Variants in PRSS12 observed in about 807,000 individuals in gnomAD.
The protein encoded by PRSS12 is serine protease 12.
Under a neutral mutation model 104.4 loss-of-function variants are expected in PRSS12, and 85 were observed. That is an observed-to-expected ratio of 0.81 (90% CI 0.68 to 0.98). The LOEUF is 0.98. Ranked by LOEUF, PRSS12 falls within the 50% of genes least tolerant of loss-of-function variation. The pLI, the probability that PRSS12 is intolerant of heterozygous loss-of-function variation, is 0.00. For missense variants in PRSS12, 1,141 were observed against 1,139.2 expected (o/e 1.00, Z -0.02); for synonymous variants, 454 against 425.2 (o/e 1.07, Z -0.83).
chr4:118,352,065 G>A (rs1156430217), intron 1 of PRSS12, among the ~76,000 whole-genome samples, 154 bp downstream of exon 1: 1 of 152,068 alleles, frequency 6.6e-6, no homozygotes, highest in Non-Finnish European at 1.5e-5. Flanking sequence ...TACCTTACTG[G>A]TAACCCAGCT....
intron 8 of PRSS12, among the ~76,000 whole-genome samples, chr4:118,304,665 A>C (rs1410907091): frequency 6.6e-6 from 1 of 152,150 alleles, no homozygotes; most frequent in African/African-American, 2.4e-5. Context: ...AGTCTATCTC[A>C]ATGAATTTAA....
chr4:118,298,230 G>T (rs1271366770), intron 9 of PRSS12, among the ~76,000 whole-genome samples: 1 of 151,638 alleles, frequency 6.6e-6, no homozygotes, highest in Non-Finnish European at 1.5e-5. Flanking sequence ...TCATACGAAA[G>T]GATTACTTAT....
chr4:118,309,231 T>C (rs1358999602), intron 7 of PRSS12, among the ~76,000 whole-genome samples: 1 of 152,194 alleles, frequency 6.6e-6, no homozygotes, highest in Non-Finnish European at 1.5e-5. Context: ...TTAAGATTTA[T>C]CTAAGTTAAT....
At chr4:118,341,426 T>C (rs1381512592) in intron 1 of PRSS12, among the ~76,000 whole-genome samples, 1 of 152,220 alleles carries the variant, frequency 6.6e-6, no homozygotes, top group Non-Finnish European at 1.5e-5. Flanking sequence ...CTCACGCCTG[T>C]AATCCCAGCA....
At chr4:118,340,691 A>G (rs568937506) in intron 1 of PRSS12, among the ~76,000 whole-genome samples, 1 of 152,356 alleles carries the variant, frequency 6.6e-6, no homozygotes, top group African/African-American at 2.4e-5. Context: ...CACTGACAAG[A>G]GGCATACTAT....
Position 118,282,810 on chromosome 4 carries a change from CTT to C in PRSS12, c.2320+19_2320+20del, listed in dbSNP as rs756005643. ...ATACCAGACACAAAAAGGTGCCCTG[CTT>C]TTTTTGATTATGCCTTACCTGTGTC... On this transcript the variant is annotated intron_variant, in intron 12 of 12. Transcript: ENST00000296498. 13 of 1,613,664 alleles carry C rather than the reference CTT, an allele frequency of 8.1e-6. No homozygotes were observed. The African/African-American group carries it at 1.3e-4, about 17-fold the overall frequency.
At position 118,352,879 on chromosome 4, in the gene PRSS12, C is replaced by G. The variant is rs1724563338; in HGVS notation, c.-159G>C. 4 of 1,421,942 alleles carry G rather than the reference C, an allele frequency of 2.8e-6. No homozygotes were observed. The highest frequency in any genetic ancestry group is 1.5e-5 in the African/African-American group (1 of 67,406). The allele number at this position is 1,421,942 out of a possible 1,614,324, so 88.1% of individuals were successfully genotyped here. A position where few individuals can be genotyped will look rare whatever the true frequency, so the allele number is the denominator to read the frequency against. On this transcript the variant is annotated 5_prime_UTR_variant, in exon 1 of 13. Transcript: ENST00000296498. ...CCCTCGCCTCCCCAACCTTGCCTCC[C>G]GCCGCTGGTGCCCTGCCGCGCCTCG...
intron 1 of PRSS12, among the ~76,000 whole-genome samples, chr4:118,350,368 G>A (rs555218061): frequency 6.6e-5 from 10 of 152,290 alleles, no homozygotes; most frequent in Admixed American, 2.0e-4. Context: ...GAGCCGTAAC[G>A]TTCAGAATAT....
At chr4:118,339,306 A>T (rs1230009353) in intron 1 of PRSS12, among the ~76,000 whole-genome samples, 1 of 152,176 alleles carries the variant, frequency 6.6e-6, no homozygotes, top group Non-Finnish European at 1.5e-5. Flanking sequence ...AAAATTAAGA[A>T]ATTAATTTAA....
intron 5 of PRSS12, among the ~76,000 whole-genome samples, 169 bp from the exon 6 acceptor site, chr4:118,316,492 T>G (rs1723417318): frequency 6.6e-6 from 1 of 152,164 alleles, no homozygotes; most frequent in Admixed American, 6.5e-5. Flanking sequence ...TCATGTTGTT[T>G]CTGAAGTTTG....
intron 9 of PRSS12, among the ~76,000 whole-genome samples, chr4:118,296,107 C>T (rs1423976052): frequency 6.6e-6 from 1 of 152,236 alleles, no homozygotes. Flanking sequence ...ACTGGTTTGA[C>T]TCTGTCCAGT....
At chr4:118,339,123 C>T (rs1295527666) in intron 1 of PRSS12, among the ~76,000 whole-genome samples, 1 of 152,052 alleles carries the variant, frequency 6.6e-6, no homozygotes, top group East Asian at 1.9e-4. Context: ...TGGTCTTATT[C>T]CTTAAGTGTG....
intron 4 of PRSS12, among the ~76,000 whole-genome samples, chr4:118,330,263 T>C (rs1273313126): frequency 6.6e-6 from 1 of 152,204 alleles, no homozygotes; most frequent in Non-Finnish European, 1.5e-5. Context: ...GAGCTTTTCA[T>C]GACTCCTGGT....
intron 11 of PRSS12, among the ~76,000 whole-genome samples, chr4:118,287,234 C>T (rs1316388149): frequency 6.6e-6 from 1 of 152,088 alleles, no homozygotes; most frequent in Non-Finnish European, 1.5e-5. Context: ...GAGCCTTGAT[C>T]TCCTAGGCTC....
At chr4:118,331,536 A>C (rs893659821) in intron 4 of PRSS12, among the ~76,000 whole-genome samples, 180 bp downstream of exon 4, 1 of 152,210 alleles carries the variant, frequency 6.6e-6, no homozygotes, top group Non-Finnish European at 1.5e-5. Context: ...AAGCAGGTTA[A>C]ACCTACAGAG....
chr4:118,285,563 C>G (rs776776136), intron 11 of PRSS12, among the ~76,000 whole-genome samples: 4 of 151,868 alleles, frequency 2.6e-5, no homozygotes, highest in Admixed American at 2.0e-4. Flanking sequence ...GATATAGTAG[C>G]CACTAGCTAA....
At chr4:118,311,062 T>TAATTAATTAATTAAATTA in intron 7 of PRSS12, among the ~76,000 whole-genome samples, 1 of 152,068 alleles carries the variant, frequency 6.6e-6, no homozygotes, top group East Asian at 1.9e-4. Flanking sequence ...ATTAATTAAT[T>TAATTAATTAATTAAATTA]AATTAATTAA....
At position 118,352,784 on chromosome 4, in the gene PRSS12, G is replaced by A; in HGVS notation, c.-64C>T. 6.3e-7 allele frequency: 1 copy of A among 1,596,460 alleles called. No homozygotes were observed. The highest frequency in any genetic ancestry group is 8.5e-7 in the Non-Finnish European group (1 of 1,174,034). On this transcript the variant is annotated 5_prime_UTR_variant, in exon 1 of 13. Transcript: ENST00000296498. ...TTCTCGGGCTTGGAGCGGAGAAGAG[G>A]AGGGGGCGGGGGCGGGGCTGCCGCG... is the stretch of plus-strand genomic sequence containing the variant.
At chr4:118,309,303 G>A (rs761198441) in intron 7 of PRSS12, among the ~76,000 whole-genome samples, 30 of 152,136 alleles carry the variant, frequency 2.0e-4, no homozygotes, top group Admixed American at 1.2e-3. Context: ...ATTTTGAATC[G>A]AAACTCCTCA....
Sources: allele counts gnomAD v4.1 joint callset (sites outside exome capture counted in the v4.1 genomes callset), GRCh38; gene constraint gnomAD v4.1.1; transcripts MANE v1.5; gene names NCBI Gene and HGNC (gene_info 2026-07-23, HGNC 2026-07-21).